DOCK10: variants seen among roughly 807,000 people sequenced by gnomAD.
DOCK10 encodes dedicator of cytokinesis protein 10.
A neutral mutation model predicts 280.1 loss-of-function variants in DOCK10; 145 were observed. That is an observed-to-expected ratio of 0.52 (90% CI 0.45 to 0.59). DOCK10 has a LOEUF of 0.59. Ranked by LOEUF, DOCK10 falls within the 20% of genes least tolerant of loss-of-function variation. DOCK10 has a pLI of 0.00. For synonymous variants in DOCK10, 915 were observed against 942.2 expected (o/e 0.97, Z 0.53); for missense variants, 2,368 against 2,651.7 (o/e 0.89, Z 2.35).
At chr2:224,998,717 T>C (rs1706344228) in intron 1 of DOCK10, among the ~76,000 whole-genome samples, 1 of 152,162 alleles carries the variant, frequency 6.6e-6, no homozygotes, top group Non-Finnish European at 1.5e-5. Context: ...CCCCCTTTCT[T>C]CCCTTCTTCT....
rs755826548 is a variant in DOCK10 at position 224,896,332 on chromosome 2, A to G, written c.379T>C (p.Tyr127His). The G allele has an allele frequency of 6.2e-7, 1 of 1,607,870 alleles. No homozygotes were observed. The highest frequency in any genetic ancestry group is 8.5e-7 in the Non-Finnish European group (1 of 1,175,966). The stretch of plus-strand genomic sequence containing the variant: ...CGAATGTCTCCAGAATATTGTTCAT[A>G]TTTGTAGTTTACCACATGCCACTGG... ...SSQWHVVNYK[Y>H]EQYSGDIRQL... The change falls in exon 4 of 56, where the codon TAT becomes CAT. Residue 127 changes from tyrosine to histidine, a missense_variant. Tyr to His is a moderately conservative substitution (Grantham distance 83, BLOSUM62 2). This residue lies in a region of DOCK10 where 1,209 missense variants were observed against 1,250.9 expected (regional missense o/e 0.97). Transcript: ENST00000258390.
chr2:224,818,186 G>A (rs1004718502), intron 29 of DOCK10, among the ~76,000 whole-genome samples: 13 of 152,130 alleles, frequency 8.5e-5, no homozygotes, highest in Non-Finnish European at 1.5e-4. Flanking sequence ...ACGTTTTGGT[G>A]AAAGACAGAC....
chr2:225,001,281 C>A (rs1032867193), intron 1 of DOCK10, among the ~76,000 whole-genome samples: 3 of 146,810 alleles, frequency 2.0e-5, no homozygotes, highest in Non-Finnish European at 4.5e-5. Context: ...CAACAATATA[C>A]AACAGACCTT....
Position 224,770,138 on chromosome 2 carries a change from CT to C in DOCK10, c.6444+72del. On this transcript the variant is annotated intron_variant, in intron 55 of 55. Coordinates refer to ENST00000258390, the MANE Select transcript of DOCK10 (RefSeq NM_014689.3). The surrounding 1 kb of genome is among the most constrained non-coding windows in gnomAD (Gnocchi z 4.5). Reference sequence around the variant, plus strand: ...CTGCAGCAAGAAAAGGGCCTCTTTCCTGTCCTTCTGGCATTGGGAGCGAAAG... The same window carrying C: ...CTGCAGCAAGAAAAGGGCCTCTTTCCGTCCTTCTGGCATTGGGAGCGAAAG... 7.1e-7 allele frequency: 1 copy of C among 1,413,404 alleles called. No homozygotes were observed. Among genetic ancestry groups the C allele is most frequent in the Non-Finnish European group, 9.3e-7 (1 of 1,080,788 alleles). The allele number at this position is 1,413,404 out of a possible 1,614,324, so 87.6% of individuals were successfully genotyped here. A position where few individuals can be genotyped will look rare whatever the true frequency, so the allele number is the denominator to read the frequency against.
Position 224,819,444 on chromosome 2 carries a change from A to T in DOCK10, c.3267+2T>A. ...ACAATCACTCCTGTACGTGGTTCTT[A>T]CCTTAAGGTCACCGGAGGAGAACAT... On this transcript the variant is annotated splice_donor_variant, in intron 29 of 55. Transcript: ENST00000258390. LOFTEE classifies it high-confidence loss of function. The T allele has an allele frequency of 6.3e-7, 1 of 1,596,802 alleles. No individual in the cohort carries two copies. Among genetic ancestry groups the T allele is most frequent in the Non-Finnish European group, 8.6e-7 (1 of 1,168,416 alleles).
intron 2 of DOCK10, among the ~76,000 whole-genome samples, chr2:224,926,944 G>C (rs1702073103): frequency 1.3e-5 from 2 of 152,196 alleles, no homozygotes; most frequent in Admixed American, 1.3e-4. Context: ...TCCTGCTAGA[G>C]GCTACTGTCT....
At chr2:224,966,817 A>T (rs1704771921) in intron 1 of DOCK10, among the ~76,000 whole-genome samples, 1 of 152,206 alleles carries the variant, frequency 6.6e-6, no homozygotes, top group Non-Finnish European at 1.5e-5. Context: ...GGCTGTGAAC[A>T]AATATGAATA....
intron 14 of DOCK10, 33 bp from the exon 15 acceptor site, chr2:224,857,015 G>A (rs1697193466): frequency 6.5e-7 from 1 of 1,545,030 alleles, no homozygotes; most frequent in Non-Finnish European, 8.8e-7. Context: ...GTTGGTAGTT[G>A]GATATTGTTT....
chr2:224,992,905 C>G (rs1360800646), intron 1 of DOCK10, among the ~76,000 whole-genome samples: 1 of 152,210 alleles, frequency 6.6e-6, no homozygotes, highest in Non-Finnish European at 1.5e-5. Context: ...CACCAATGAC[C>G]AGTGGCTGGA....
chr2:224,912,185 G>A (rs1336423498), intron 3 of DOCK10, among the ~76,000 whole-genome samples: 1 of 150,880 alleles, frequency 6.6e-6, no homozygotes, highest in Non-Finnish European at 1.5e-5. Flanking sequence ...TTGTTGCCCA[G>A]GCTGGAATGA....
intron 22 of DOCK10, among the ~76,000 whole-genome samples, chr2:224,843,723 G>A (rs995536952): frequency 6.6e-6 from 1 of 152,164 alleles, no homozygotes; most frequent in Non-Finnish European, 1.5e-5. Context: ...TTATAATAAT[G>A]TATAGTTTAT....
chr2:225,009,655 A>AG, intron 1 of DOCK10, among the ~76,000 whole-genome samples: 1 of 127,712 alleles, frequency 7.8e-6, no homozygotes, highest in Non-Finnish European at 1.8e-5. Flanking sequence ...AAAAAAAGAA[A>AG]GAAAAAAGAA....
intron 1 of DOCK10, among the ~76,000 whole-genome samples, chr2:225,018,128 A>T (rs1330143692): frequency 6.6e-6 from 1 of 152,220 alleles, no homozygotes; most frequent in Non-Finnish European, 1.5e-5. Flanking sequence ...TTGCGAATGC[A>T]GTATTCATAC....
intron 38 of DOCK10, 40 bp from the exon 39 acceptor site, chr2:224,804,253 T>C: frequency 8.1e-7 from 1 of 1,232,840 alleles, no homozygotes; most frequent in Non-Finnish European, 1.2e-6. Context: ...GCTCAGTGTT[T>C]GTAATTTACA....
chr2:224,875,907 A>G, intron 8 of DOCK10, 131 bp downstream of exon 8: 1 of 842,916 alleles, frequency 1.2e-6, no homozygotes, highest in Non-Finnish European at 1.8e-6. Context: ...TGATTTAGTG[A>G]TTCTTGGAAC....
At chr2:224,960,317 C>A (rs189459473) in intron 1 of DOCK10, among the ~76,000 whole-genome samples, 165 of 152,294 alleles carry the variant, frequency 1.1e-3, no homozygotes, top group African/African-American at 3.9e-3. Context: ...TAGCTAAGGT[C>A]ATTTTCTTTT....
rs553793118 is a variant in DOCK10 at position 225,040,854 on chromosome 2, C to T, written c.123+1398G>A. Among the ~76,000 whole-genome samples the T allele has an allele frequency of 3.8e-3, 582 of 152,268 alleles. 1 individual carries two copies. Among genetic ancestry groups the T allele is most frequent in the Non-Finnish European group, 5.9e-3 (398 of 68,016 alleles). On this transcript the variant is annotated intron_variant, in intron 1 of 55. Coordinates refer to ENST00000258390, the MANE Select transcript of DOCK10 (RefSeq NM_014689.3). ...TACTTTTACTCGAATTGAATCTTTT[C>T]TTCTAATGTTCTTTTGAACAGTTTG...
intron 4 of DOCK10, among the ~76,000 whole-genome samples, chr2:224,888,513 T>C (rs1490459235): frequency 1.3e-5 from 2 of 152,044 alleles, no homozygotes; most frequent in Non-Finnish European, 2.9e-5. Context: ...TCTTTATTCA[T>C]TCCTCTGTCA....
At chr2:224,877,078 G>A (rs989064833) in intron 7 of DOCK10, among the ~76,000 whole-genome samples, 1 of 152,154 alleles carries the variant, frequency 6.6e-6, no homozygotes, top group Admixed American at 6.5e-5. Flanking sequence ...GCCTGAGACA[G>A]GCTGGCCCCC....
Sources: gnomAD v4.1 joint callset for allele counts (sites outside exome capture counted in the v4.1 genomes callset) on GRCh38, gnomAD v4.1.1 for gene constraint, gnomAD v4.1.1 regional missense constraint, Gnocchi (gnomAD v3.1) non-coding constraint, MANE v1.5 for transcripts, NCBI Gene and HGNC (gene_info 2026-07-23, HGNC 2026-07-21) for gene names.